The following HS3ST2 variants were observed in gnomAD, a reference collection of about 807,000 sequenced individuals.
HS3ST2 encodes heparan sulfate-glucosamine 3-sulfotransferase 2, also known as heparan sulfate glucosamine 3-O-sulfotransferase 2.
A neutral mutation model predicts 26.3 loss-of-function variants in HS3ST2; 17 were observed. That is an observed-to-expected ratio of 0.65 (90% CI 0.44 to 0.97). The LOEUF (loss-of-function observed/expected upper bound fraction) is 0.97, where lower values mean the gene tolerates loss of function less well. HS3ST2 is among the 50% of genes least tolerant of loss of function. The pLI, the probability that HS3ST2 is intolerant of heterozygous loss-of-function variation, is 0.00. For missense variants in HS3ST2, 402 were observed against 501.2 expected (o/e 0.80, Z 1.89); for synonymous variants, 237 against 219.2 (o/e 1.08, Z -0.72).
At chr16:22,868,675 T>C (rs961189337) in intron 1 of HS3ST2, among the ~76,000 whole-genome samples, 30 of 152,250 alleles carry the variant, frequency 2.0e-4, no homozygotes, top group African/African-American at 7.2e-4. Context: ...GACCGTGCTC[T>C]ATCTTACAAT....
At chr16:22,870,558 TTG>T (rs1901822507) in intron 1 of HS3ST2, among the ~76,000 whole-genome samples, 1 of 152,178 alleles carries the variant, frequency 6.6e-6, no homozygotes, top group Non-Finnish European at 1.5e-5. Context: ...CTGTTCCTGT[TTG>T]TCTCTCTGAT....
At chr16:22,826,734 C>T (rs1228256372) in intron 1 of HS3ST2, among the ~76,000 whole-genome samples, 11 of 152,186 alleles carry the variant, frequency 7.2e-5, no homozygotes, top group Non-Finnish European at 7.4e-5. Context: ...ACTTGTCCAC[C>T]CCTTTACTAA....
intron 1 of HS3ST2, among the ~76,000 whole-genome samples, chr16:22,854,330 C>T (rs771035783): frequency 3.3e-5 from 5 of 152,062 alleles, no homozygotes; most frequent in African/African-American, 9.7e-5. Context: ...TGCCAGGATA[C>T]GTATCTAGGT....
intron 1 of HS3ST2, among the ~76,000 whole-genome samples, chr16:22,841,615 G>C (rs1901357729): frequency 2.0e-5 from 3 of 152,138 alleles, no homozygotes; most frequent in Non-Finnish European, 4.4e-5. Context: ...CCTACCATGT[G>C]ATTGTCTAGT....
intron 1 of HS3ST2, among the ~76,000 whole-genome samples, chr16:22,884,678 T>A (rs866095625): frequency 1.1e-3 from 141 of 127,598 alleles, no homozygotes; most frequent in Middle Eastern, 4.5e-3. Context: ...ATATATATAT[T>A]ATATATATAT....
chr16:22,861,242 C>G (rs564282872), intron 1 of HS3ST2, among the ~76,000 whole-genome samples: 1 of 152,000 alleles, frequency 6.6e-6, no homozygotes, highest in Admixed American at 6.6e-5. Context: ...CTTTTCTGGC[C>G]TCTAGAACCA....
intron 1 of HS3ST2, among the ~76,000 whole-genome samples, chr16:22,850,857 C>T (rs1901509886): frequency 1.3e-5 from 2 of 152,186 alleles, no homozygotes; most frequent in South Asian, 2.1e-4. Flanking sequence ...ATCTCTCATA[C>T]AGCCGCAGTT....
At chr16:22,837,296 GA>G (rs1358765658) in intron 1 of HS3ST2, among the ~76,000 whole-genome samples, 1 of 151,600 alleles carries the variant, frequency 6.6e-6, no homozygotes, top group Non-Finnish European at 1.5e-5. Flanking sequence ...GGGATGATAT[GA>G]AAAATGAGGA....
At position 22,915,383 on chromosome 16, in the gene HS3ST2, A is replaced by G; in HGVS notation, c.925A>G (p.Lys309Glu). Residue 309 changes from lysine (K) to glutamate (E), a missense_variant, in exon 2 of 2, where the codon AAA becomes GAA. Lys to Glu is a moderately conservative substitution (Grantham distance 56). Around this residue, in one of 2 missense-constraint regions of HS3ST2, gnomAD observed 237 missense variants for 346.6 expected, o/e 0.68. Transcript: ENST00000261374. ...TDKHFYFNKT[K>E]GFPCLKKTES... ...CAAGCACTTCTATTTCAACAAGACC[A>G]AAGGATTCCCTTGCTTGAAAAAAAC... 6.2e-7 allele frequency: 1 copy of G among 1,613,812 alleles called. No homozygotes were observed. The highest frequency in any genetic ancestry group is 8.5e-7 in the Non-Finnish European group (1 of 1,179,930).
chr16:22,833,532 A>G (rs774880651), intron 1 of HS3ST2: 14 of 352,558 alleles, frequency 4.0e-5, no homozygotes, highest in Non-Finnish European at 7.8e-5. Context: ...GGTGTGGTAG[A>G]GGGGAGGCAC....
chr16:22,862,409 C>G (rs1232148477), intron 1 of HS3ST2, among the ~76,000 whole-genome samples: 1 of 151,962 alleles, frequency 6.6e-6, no homozygotes, highest in African/African-American at 2.4e-5. Context: ...GCAAACTAAC[C>G]AGGCACCTGT....
chr16:22,818,449 TG>T (rs1900907689), intron 1 of HS3ST2, among the ~76,000 whole-genome samples: 2 of 152,172 alleles, frequency 1.3e-5, no homozygotes, highest in Admixed American at 1.3e-4. Context: ...AAGGCAGTAA[TG>T]TTACTACTGT....
At chr16:22,819,967 A>G (rs1406101767) in intron 1 of HS3ST2, among the ~76,000 whole-genome samples, 1 of 152,248 alleles carries the variant, frequency 6.6e-6, no homozygotes, top group Non-Finnish European at 1.5e-5. Flanking sequence ...ATCATCTTTC[A>G]ACAAATTGAT....
chr16:22,887,783 C>CA (rs1902080730), intron 1 of HS3ST2, among the ~76,000 whole-genome samples: 1 of 86,792 alleles, frequency 1.2e-5, no homozygotes, highest in East Asian at 7.6e-4. Flanking sequence ...CCCATCTCTA[C>CA]GGGAAAAAAA....
intron 1 of HS3ST2, among the ~76,000 whole-genome samples, chr16:22,889,612 T>C (rs1902105423): frequency 6.6e-6 from 1 of 152,136 alleles, no homozygotes; most frequent in East Asian, 1.9e-4. Context: ...CTGAAACACA[T>C]CTAGTCTCAA....
chr16:22,879,510 G>T (rs544777613), intron 1 of HS3ST2, among the ~76,000 whole-genome samples: 1 of 152,306 alleles, frequency 6.6e-6, no homozygotes, highest in African/African-American at 2.4e-5. Flanking sequence ...AGCACACTCT[G>T]CTGGGGGGCA....
chr16:22,856,208 A>G (rs1306877802), intron 1 of HS3ST2, among the ~76,000 whole-genome samples: 2 of 152,192 alleles, frequency 1.3e-5, no homozygotes, highest in Non-Finnish European at 2.9e-5. Flanking sequence ...AACCATGCAT[A>G]CCTAAGGGGC....
At chr16:22,876,289 A>G (rs1901915749) in intron 1 of HS3ST2, among the ~76,000 whole-genome samples, 1 of 152,226 alleles carries the variant, frequency 6.6e-6, no homozygotes, top group African/African-American at 2.4e-5. Flanking sequence ...TGGGCTAAGG[A>G]CATGCACAGA....
chr16:22,831,802 G>A (rs1291832598), intron 1 of HS3ST2, among the ~76,000 whole-genome samples: 1 of 152,236 alleles, frequency 6.6e-6, no homozygotes, highest in African/African-American at 2.4e-5. Context: ...GCAGCGGGGA[G>A]GGGTGGCCAC....
Sources: gnomAD v4.1 joint callset for allele counts (sites outside exome capture counted in the v4.1 genomes callset) on GRCh38, gnomAD v4.1.1 for gene constraint, gnomAD v4.1.1 regional missense constraint, MANE v1.5 for transcripts, NCBI Gene and HGNC (gene_info 2026-07-23, HGNC 2026-07-21) for gene names.